The following LRRC55 variants were observed in gnomAD, a reference collection of about 807,000 sequenced individuals.
The protein encoded by LRRC55 is leucine rich repeat containing 55.
Under a neutral mutation model 20.5 loss-of-function variants are expected in LRRC55, and 11 were observed. The ratio of observed to expected loss-of-function variants is 0.54; its 90% confidence interval spans 0.34 to 0.89. The LOEUF is 0.89. Among genes scored for constraint, LRRC55 ranks in the 40% least tolerant of loss-of-function variants. The pLI is 0.02. For synonymous variants in LRRC55, 188 were observed against 166.6 expected, an observed-to-expected ratio of 1.13 and a Z score of -0.99; for missense variants, 358 against 390.9, an observed-to-expected ratio of 0.92 and a Z score of 0.71.
chr11:57,182,738 G>T (rs573332471), intron 1 of LRRC55, 55 bp downstream of exon 1: 218 of 1,405,266 alleles, frequency 1.6e-4, no homozygotes, highest in South Asian at 3.7e-4. Flanking sequence ...TCAATGGGAA[G>T]CAAAGGCTCC....
rs1429319417 is a variant in LRRC55 at position 57,188,508 on chromosome 11, TATTA to T, written c.*1030_*1033del. The T allele has an allele frequency of 6.6e-6, 1 of 152,216 alleles. No individual in the cohort carries two copies. Among genetic ancestry groups the T allele is most frequent in the Non-Finnish European group, 1.5e-5 (1 of 68,048 alleles). 9.4% of individuals were successfully genotyped at this position (152,216 alleles called of 1,614,324 possible). A position where few individuals can be genotyped will look rare whatever the true frequency, so the allele number is the denominator to read the frequency against. Reference sequence around the variant, plus strand: ...ACGTTAAGCATGAGGGTGAGAGAGCTATTAAATACTAAGCCCTTGCCAGTGTCAG... The same window carrying T: ...ACGTTAAGCATGAGGGTGAGAGAGCTAATACTAAGCCCTTGCCAGTGTCAG... On this transcript the variant is annotated 3_prime_UTR_variant, in exon 2 of 2. Transcript: ENST00000497933.
Position 57,187,713 on chromosome 11 carries a change from G to A in LRRC55, c.*233G>A, listed in dbSNP as rs1418603807. 8.4e-6 allele frequency: 5 copies of A among 595,108 alleles called. No homozygotes were observed. Among genetic ancestry groups the A allele is most frequent in the Admixed American group, 3.1e-5 (1 of 32,550 alleles). The allele number at this position is 595,108 out of a possible 1,614,324, so 36.9% of individuals were successfully genotyped here. A position where few individuals can be genotyped will look rare whatever the true frequency, so the allele number is the denominator to read the frequency against. Reference sequence around the variant, plus strand: ...CCTGCCCTCAAGGCACTTCCCTCTGGTCAAGGAGAGAGATCCAAAAACTAT... The same window carrying A: ...CCTGCCCTCAAGGCACTTCCCTCTGATCAAGGAGAGAGATCCAAAAACTAT... On this transcript the variant is annotated 3_prime_UTR_variant, in exon 2 of 2. Coordinates refer to ENST00000497933, the MANE Select transcript of LRRC55 (RefSeq NM_001005210.4).
In LRRC55 at chr11:57,187,299, T is replaced by A. The variant is rs893089885; in HGVS notation, c.716T>A (p.Phe239Tyr). Residue 239 changes from phenylalanine (F) to tyrosine (Y), a missense_variant, in exon 2 of 2, where the codon TTC (phenylalanine) becomes TAC (tyrosine). By Grantham distance (22) the Phe-to-Tyr change is conservative (BLOSUM62 3). This residue lies in a region of LRRC55 where 178 missense variants were observed against 207.9 expected (regional missense o/e 0.86). Transcript: ENST00000497933. ...CCTGAAGTCGAGGGCGCCCCGCTCT[T>A]CTCACTCACTGAGGAGAGCTTCAAG... is the stretch of plus-strand genomic sequence containing the variant. Reference protein sequence around the residue: ...GPPEVEGAPLFSLTEESFKAC... With the variant: ...GPPEVEGAPLYSLTEESFKAC... The A allele has an allele frequency of 1.9e-6, 3 of 1,614,146 alleles. No homozygotes were observed. The highest frequency in any genetic ancestry group is 2.5e-6 in the Non-Finnish European group (3 of 1,180,010).
rs201930223 is a variant in LRRC55, at chr11:57,182,571, G to C, written c.549G>C (p.Glu183Asp). ...CCTTCCTCAGCCTGGAGGCTCTTGA[G>C]GGCCTACCGGGGCTGGTGACCCTGC... ...GLAFLSLEAL[E>D]GLPGLVTLQI... Residue 183 changes from glutamate to aspartate, a missense_variant, in exon 1 of 2, where the codon GAG becomes GAC. Coordinates refer to ENST00000497933, the MANE Select transcript of LRRC55 (RefSeq NM_001005210.4). 1 of 1,540,540 alleles carries C rather than the reference G, an allele frequency of 6.5e-7. No individual in the cohort carries two copies. The highest frequency in any genetic ancestry group is 1.4e-5 in the African/African-American group (1 of 72,780).
At chr11:57,185,811 A>T (rs1854424607) in intron 1 of LRRC55, among the ~76,000 whole-genome samples, 1 of 152,130 alleles carries the variant, frequency 6.6e-6, no homozygotes, top group Non-Finnish European at 1.5e-5. Flanking sequence ...GTTGACAGCC[A>T]TCATGCATTC....
At chr11:57,182,868 G>A (rs996466821) in intron 1 of LRRC55, among the ~76,000 whole-genome samples, 185 bp downstream of exon 1, 4 of 152,180 alleles carry the variant, frequency 2.6e-5, no homozygotes, top group South Asian at 4.1e-4. Flanking sequence ...GTGCATGTGA[G>A]GCACCGAGGG....
At chr11:57,185,978 A>G (rs1854426652) in intron 1 of LRRC55, among the ~76,000 whole-genome samples, 1 of 151,214 alleles carries the variant, frequency 6.6e-6, no homozygotes, top group South Asian at 2.1e-4. Flanking sequence ...AATTCATATA[A>G]TTGAAATATA....
intron 1 of LRRC55, among the ~76,000 whole-genome samples, chr11:57,182,916 G>A (rs963187467): frequency 4.6e-5 from 7 of 152,292 alleles, no homozygotes; most frequent in African/African-American, 9.6e-5. Context: ...TCACCACTGC[G>A]CTGCTCATGA....
At chr11:57,185,796 A>C (rs1854424450) in intron 1 of LRRC55, among the ~76,000 whole-genome samples, 1 of 152,132 alleles carries the variant, frequency 6.6e-6, no homozygotes, top group Non-Finnish European at 1.5e-5. Context: ...GAGTGAGATA[A>C]GACCGTTGAC....
rs773138988 is a variant in LRRC55 at position 57,182,678 on chromosome 11, C to T, written c.656C>T (p.Thr219Ile). 7.3e-6 allele frequency: 11 copies of T among 1,504,704 alleles called. No individual in the cohort carries two copies. The highest frequency in any genetic ancestry group is 9.8e-6 in the Non-Finnish European group (11 of 1,126,214). The allele number at this position is 1,504,704 out of a possible 1,614,324, so 93.2% of individuals were successfully genotyped here. Reference protein sequence around the residue: ...KWLRNRIQRCTADSQLAECRG... With the variant: ...KWLRNRIQRCIADSQLAECRG... ...CTGCGAAACCGGATCCAGCGCTGTA[C>T]AGCAGGTAATAGAGGGGCAGAACGG... Residue 219 changes from threonine (T) to isoleucine (I), a missense_variant, in exon 1 of 2, where the codon ACA becomes ATA. By Grantham distance (89) the Thr-to-Ile change is moderately conservative (BLOSUM62 -1). Coordinates refer to ENST00000497933, the MANE Select transcript of LRRC55 (RefSeq NM_001005210.4).
chr11:57,185,270 C>CTTCTTTTTTTTTT (rs1854416014), intron 1 of LRRC55, among the ~76,000 whole-genome samples: 1 of 89,412 alleles, frequency 1.1e-5, no homozygotes, highest in Non-Finnish European at 2.0e-5. Flanking sequence ...CTTTTCTTTT[C>CTTCTTTTTTTTTT]TTTTTTTTTT....
chr11:57,184,586 G>T (rs932318115), intron 1 of LRRC55, among the ~76,000 whole-genome samples: 1 of 152,242 alleles, frequency 6.6e-6, no homozygotes, highest in Non-Finnish European at 1.5e-5. Context: ...AACCTTGCCA[G>T]TGGAGGCAGA....
Position 57,182,157 on chromosome 11 carries a change from T to TA in LRRC55, c.137dup (p.Asn46LysfsTer7). On this transcript the variant is annotated frameshift_variant, in exon 1 of 2. Transcript: ENST00000497933. LOFTEE classifies it high-confidence loss of function. ...GCTGCCCCGTCCTTTGCACATGCCG[T>TA]AACCAGGTGGTGGATTGTAGCAGCC... 1.2e-6 allele frequency: 2 copies of TA among 1,614,160 alleles called. No individual in the cohort carries two copies. The highest frequency in any genetic ancestry group is 1.7e-6 in the Non-Finnish European group (2 of 1,180,020).
At chr11:57,187,196 C>T (rs1443521258) in intron 1 of LRRC55, 49 bp from the exon 2 acceptor site, 1 of 1,541,112 alleles carries the variant, frequency 6.5e-7, no homozygotes, top group South Asian at 1.1e-5. Flanking sequence ...ACTTTCCAAT[C>T]CCCTCTCCTT....
chr11:57,187,037 C>G (rs1464029858), intron 1 of LRRC55, among the ~76,000 whole-genome samples: 7 of 152,240 alleles, frequency 4.6e-5, no homozygotes, highest in Non-Finnish European at 1.0e-4. Flanking sequence ...ACTCTTTAAA[C>G]AGTACTTTCC....
At position 57,186,640 on chromosome 11, in the gene LRRC55, C is replaced by T. The variant is rs761559262; in HGVS notation, c.662-605C>T. 1.8e-4 allele frequency among the ~76,000 whole-genome samples: 28 copies of T among 152,332 alleles called. 1 individual carries two copies. Among genetic ancestry groups the T allele is most frequent in the Non-Finnish European group, 5.9e-5 (4 of 68,032 alleles). On this transcript the variant is annotated intron_variant, in intron 1 of 1. Coordinates refer to ENST00000497933, the MANE Select transcript of LRRC55 (RefSeq NM_001005210.4). ...AGGGACAAATGCAAAAGCATCCCTTCCCCGCTTCAAGAGGGGACACTCTGA... is the reference window on the plus strand; with the variant it reads ...AGGGACAAATGCAAAAGCATCCCTTTCCCGCTTCAAGAGGGGACACTCTGA...
chr11:57,182,827 C>T (rs548287562), intron 1 of LRRC55, 144 bp downstream of exon 1: 9 of 808,542 alleles, frequency 1.1e-5, no homozygotes, highest in Middle Eastern at 3.9e-4. Flanking sequence ...TACACCAGCT[C>T]GGCCAACAGG....
At chr11:57,184,350 C>T (rs371387828) in intron 1 of LRRC55, among the ~76,000 whole-genome samples, 1 of 152,190 alleles carries the variant, frequency 6.6e-6, no homozygotes, top group Non-Finnish European at 1.5e-5. Context: ...TCTGAAGAAG[C>T]TCAGACTCCC....
chr11:57,185,052 T>A (rs781502758), intron 1 of LRRC55, among the ~76,000 whole-genome samples: 3 of 152,140 alleles, frequency 2.0e-5, no homozygotes, highest in Non-Finnish European at 4.4e-5. Flanking sequence ...GAAGGTTGGG[T>A]TCTCCTTCCA....
Sources: gnomAD v4.1 joint callset for allele counts (sites outside exome capture counted in the v4.1 genomes callset) on GRCh38, gnomAD v4.1.1 for gene constraint, gnomAD v4.1.1 regional missense constraint, MANE v1.5 for transcripts, NCBI Gene and HGNC (gene_info 2026-07-23, HGNC 2026-07-21) for gene names.